Variants in PCDHGA3 observed in about 807,000 individuals in gnomAD.
PCDHGA3 encodes protocadherin gamma subfamily A, 3, also known as protocadherin gamma-A3.
PCDHGA3 carries 40 observed loss-of-function variants against 58.5 expected under a neutral mutation model. That is an observed-to-expected ratio of 0.68 (90% confidence interval 0.53 to 0.89). The LOEUF is 0.89. PCDHGA3 is among the 40% of genes least tolerant of loss of function. The pLI, the probability that PCDHGA3 is intolerant of heterozygous loss-of-function variation, is 0.00. For missense variants in PCDHGA3, 1,223 were observed against 1,195.9 expected (o/e 1.02, Z -0.33); for synonymous variants, 530 against 525.7 (o/e 1.01, Z -0.11).
intron 1 of PCDHGA3, chr5:141,389,720 C>T (rs1488646083): frequency 1.2e-6 from 2 of 1,612,576 alleles, no homozygotes; most frequent in East Asian, 4.5e-5. Flanking sequence ...CTAGCGAGCC[C>T]GGGCTCTTCA....
At chr5:141,382,188 C>A (rs1009846367) in intron 1 of PCDHGA3, among the ~76,000 whole-genome samples, 4 of 152,052 alleles carry the variant, frequency 2.6e-5, no homozygotes, top group Non-Finnish European at 4.4e-5. Context: ...AGGTTCTATA[C>A]AATCAAAAAT....
intron 1 of PCDHGA3, chr5:141,376,193 T>C: frequency 6.2e-7 from 1 of 1,614,164 alleles, no homozygotes; most frequent in East Asian, 2.2e-5. Flanking sequence ...CTCCTGCGTC[T>C]TCCTGGCCTT....
chr5:141,458,619 G>T (rs1393941674), intron 1 of PCDHGA3, among the ~76,000 whole-genome samples: 1 of 152,080 alleles, frequency 6.6e-6, no homozygotes, highest in South Asian at 2.1e-4. Context: ...AGCCAGGCTG[G>T]AGTGCAGTGG....
intron 1 of PCDHGA3, chr5:141,384,852 G>C: frequency 6.2e-7 from 1 of 1,613,646 alleles, no homozygotes; most frequent in Non-Finnish European, 8.5e-7. Context: ...ACCACGGTCA[G>C]CCTCCTCTGT....
At chr5:141,352,480 C>A (rs973074211) in intron 1 of PCDHGA3, 3 of 1,614,012 alleles carry the variant, frequency 1.9e-6, no homozygotes, top group Non-Finnish European at 2.5e-6. Context: ...CCAACCACAG[C>A]GAGGGGACTT....
intron 1 of PCDHGA3, among the ~76,000 whole-genome samples, chr5:141,484,096 G>T (rs539388257): frequency 6.6e-6 from 1 of 152,244 alleles, no homozygotes; most frequent in Non-Finnish European, 1.5e-5. Flanking sequence ...GTCTTCGTTG[G>T]TAATTAACAA....
chr5:141,476,747 C>T lies in PCDHGA3; in HGVS notation c.2425-18060C>T. The T allele has an allele frequency of 6.2e-7, 1 of 1,614,066 alleles. No homozygotes were observed. The highest frequency in any genetic ancestry group is 8.5e-7 in the Non-Finnish European group (1 of 1,180,036). On this transcript the variant is annotated intron_variant, in intron 1 of 3. Transcript: ENST00000253812. This position sits in a 1 kb window ranked among gnomAD's most constrained non-coding sequence, Gnocchi z 7.6. The stretch of plus-strand genomic sequence containing the variant: ...GGACCGAGAACGGGAGCCTAGTCTC[C>T]AGTTAGTGCTGACGGCGTTGGACGG...
chr5:141,421,359 C>T, intron 1 of PCDHGA3: 1 of 1,614,012 alleles, frequency 6.2e-7, no homozygotes, highest in Non-Finnish European at 8.5e-7. Context: ...AAAAGGGCTC[C>T]TTCGTGGGCA....
chr5:141,372,379 T>A, intron 1 of PCDHGA3: 1 of 1,614,006 alleles, frequency 6.2e-7, no homozygotes, highest in Non-Finnish European at 8.5e-7. Context: ...ATGCTGCACC[T>A]AATCTTCGCA....
At chr5:141,498,194 T>C (rs1014641829) in intron 2 of PCDHGA3, among the ~76,000 whole-genome samples, 16 of 152,254 alleles carry the variant, frequency 1.1e-4, no homozygotes, top group African/African-American at 3.6e-4. Context: ...ATTAACCAGC[T>C]AAAGAAAAGA....
chr5:141,502,955 T>C (rs2099817293), intron 2 of PCDHGA3, among the ~76,000 whole-genome samples: 1 of 149,868 alleles, frequency 6.7e-6, no homozygotes, highest in Non-Finnish European at 1.5e-5. Context: ...GCGATTCTCC[T>C]GCCTCAGCCT....
In PCDHGA3 at chr5:141,477,629, C is replaced by A. The variant is rs1191573380; in HGVS notation, c.2425-17178C>A. The A allele has an allele frequency of 6.2e-7, 1 of 1,614,040 alleles. No individual in the cohort carries two copies. The highest frequency in any genetic ancestry group is 8.5e-7 in the Non-Finnish European group (1 of 1,180,040). ...CTTGGAGCAAGGAGCTGAAACCGGGCTAGTGGGTCGCTATTTCACAATAAA... is the reference window on the plus strand; with the variant it reads ...CTTGGAGCAAGGAGCTGAAACCGGGATAGTGGGTCGCTATTTCACAATAAA... On this transcript the variant is annotated intron_variant, in intron 1 of 3. Coordinates refer to ENST00000253812, the MANE Select transcript of PCDHGA3 (RefSeq NM_018916.4). The surrounding 1 kb of genome is among the most constrained non-coding windows in gnomAD (Gnocchi z 4.9).
chr5:141,393,745 A>T, intron 1 of PCDHGA3: 1 of 1,613,898 alleles, frequency 6.2e-7, no homozygotes. Context: ...GATTATGAAG[A>T]ATGTTCATTT....
intron 1 of PCDHGA3, chr5:141,415,055 C>T (rs767474996): frequency 6.2e-7 from 1 of 1,613,400 alleles, no homozygotes; most frequent in African/African-American, 1.3e-5. Flanking sequence ...GGGGAGCACA[C>T]GGGCGAGGTG....
chr5:141,442,014 G>T, intron 1 of PCDHGA3: 1 of 220,044 alleles, frequency 4.5e-6, no homozygotes, highest in Non-Finnish European at 9.2e-6. Flanking sequence ...TCGCACGATG[G>T]GCCACAGGAA....
intron 1 of PCDHGA3, chr5:141,393,121 T>C: frequency 6.2e-7 from 1 of 1,613,428 alleles, no homozygotes; most frequent in Non-Finnish European, 8.5e-7. Context: ...CCGCGGTGTC[T>C]GATAAATATT....
chr5:141,476,438 C>G lies in PCDHGA3; in HGVS notation c.2425-18369C>G. On this transcript the variant is annotated intron_variant, in intron 1 of 3. Coordinates refer to ENST00000253812, the MANE Select transcript of PCDHGA3 (RefSeq NM_018916.4). This position sits in a 1 kb window ranked among gnomAD's most constrained non-coding sequence, Gnocchi z 7.6. The stretch of plus-strand genomic sequence containing the variant: ...GACACTGCCCTCTTGCACTGTAACT[C>G]TGGAGTTGGTAGTGGAGAACCCGCT... 1 of 1,614,090 alleles carries G rather than the reference C, an allele frequency of 6.2e-7. No homozygotes were observed. Among genetic ancestry groups the G allele is most frequent in the Non-Finnish European group, 8.5e-7 (1 of 1,180,026 alleles).
At chr5:141,470,942 C>T (rs1156728317) in intron 1 of PCDHGA3, among the ~76,000 whole-genome samples, 1 of 152,020 alleles carries the variant, frequency 6.6e-6, no homozygotes, top group Non-Finnish European at 1.5e-5. Context: ...GTCTCAAATT[C>T]CTGGCCTCAA....
chr5:141,398,237 T>G, intron 1 of PCDHGA3: 1 of 1,479,534 alleles, frequency 6.8e-7, no homozygotes, highest in Non-Finnish European at 9.2e-7. Context: ...CGCTACAGGA[T>G]TCCCGAGGAA....
Sources: allele counts gnomAD v4.1 joint callset (sites outside exome capture counted in the v4.1 genomes callset), GRCh38; gene constraint gnomAD v4.1.1; non-coding constraint Gnocchi (gnomAD v3.1); transcripts MANE v1.5; gene names NCBI Gene and HGNC (gene_info 2026-07-23, HGNC 2026-07-21).